Variants in B4GALNT2 observed in about 807,000 individuals in gnomAD.
The protein encoded by B4GALNT2 is beta-1,4-N-acetyl-galactosaminyltransferase 2 (SID blood group), also known as N-acetylneuraminylgalactosylglucosyl-glucoside beta-1,4-N- acetylgalactosaminyltransferase 2.
Under a neutral mutation model 51.1 loss-of-function variants are expected in B4GALNT2, and 42 were observed. The observed-to-expected ratio is 0.82, with a 90% confidence interval of 0.64 to 1.06. B4GALNT2 has a LOEUF of 1.06. Among genes scored for constraint, B4GALNT2 ranks in the 50% least tolerant of loss-of-function variants. B4GALNT2 has a pLI of 0.00. For missense variants in B4GALNT2, 602 were observed against 633.6 expected (o/e 0.95, Z 0.54); for synonymous variants, 253 against 251.7 (o/e 1.01, Z -0.05).
chr17:49,133,043 T>C lies in B4GALNT2; in HGVS notation c.14+237T>C, dbSNP rs758830110. 1.6e-5 allele frequency: 24 copies of C among 1,496,980 alleles called. 1 individual carries two copies. The South Asian group carries it at 3.1e-4, about 19-fold the overall frequency. 92.7% of individuals were successfully genotyped at this position (1,496,980 alleles called of 1,614,324 possible). A position where few individuals can be genotyped will look rare whatever the true frequency, so the allele number is the denominator to read the frequency against. ...CCCCAGGAATGGGGAGCGCTGGCTT[T>C]TCCGTGGGAAAATTCCACGTGGAAG... is the stretch of plus-strand genomic sequence containing the variant. On this transcript the variant is annotated intron_variant, in intron 1 of 10. Transcript: ENST00000393354.
At position 49,170,915 on chromosome 17, in the gene B4GALNT2, G is replaced by T. The variant is rs1486825424; in HGVS notation, c.*1187G>T. 6.5e-6 allele frequency: 1 copy of T among 152,884 alleles called. No individual in the cohort carries two copies. The highest frequency in any genetic ancestry group is 2.4e-5 in the African/African-American group (1 of 41,480). 9.5% of individuals were successfully genotyped at this position (152,884 alleles called of 1,614,324 possible). ...AGGGATGGGCTCTGGCTAGTTATCT[G>T]CAGCAGGAACATGTCCTTAAAGCAC... On this transcript the variant is annotated 3_prime_UTR_variant, in exon 11 of 11. Transcript: ENST00000393354.
intron 1 of B4GALNT2, among the ~76,000 whole-genome samples, chr17:49,136,578 C>T (rs937418335): frequency 1.3e-5 from 2 of 150,918 alleles, no homozygotes; most frequent in African/African-American, 4.9e-5. Flanking sequence ...TGGAGTTTCC[C>T]TCTTGTCACC....
rs2042958277 is a variant in B4GALNT2, at chr17:49,171,646, T to A, written c.*1918T>A. 2.6e-6 allele frequency: 1 copy of A among 391,554 alleles called. No individual in the cohort carries two copies. The highest frequency in any genetic ancestry group is 7.1e-5 in the East Asian group (1 of 14,078). 24.3% of individuals were successfully genotyped at this position (391,554 alleles called of 1,614,324 possible). ...GCTGTATTTCTTACCATTTCTACCATCTGACTGTTTTGTTTAGACCAGCTG... is the reference window on the plus strand; with the variant it reads ...GCTGTATTTCTTACCATTTCTACCAACTGACTGTTTTGTTTAGACCAGCTG... On this transcript the variant is annotated 3_prime_UTR_variant, in exon 11 of 11. Transcript: ENST00000393354.
intron 5 of B4GALNT2, 52 bp from the exon 6 acceptor site, chr17:49,158,985 G>C: frequency 6.3e-7 from 1 of 1,577,118 alleles, no homozygotes; most frequent in Non-Finnish European, 8.7e-7. Context: ...TCTTTCCAGG[G>C]AGATATTTTC....
intron 4 of B4GALNT2, among the ~76,000 whole-genome samples, chr17:49,154,906 C>T (rs2042793559): frequency 6.6e-6 from 1 of 152,136 alleles, no homozygotes; most frequent in Non-Finnish European, 1.5e-5. Context: ...ACTATGAGAA[C>T]AGAGATAGAT....
At chr17:49,157,552 C>A (rs1030443153) in intron 5 of B4GALNT2, among the ~76,000 whole-genome samples, 1 of 152,116 alleles carries the variant, frequency 6.6e-6, no homozygotes. Context: ...GAACTCCTGA[C>A]CTTAAGTGAT....
At chr17:49,152,149 G>C (rs2042763740) in intron 3 of B4GALNT2, among the ~76,000 whole-genome samples, 1 of 152,186 alleles carries the variant, frequency 6.6e-6, no homozygotes, top group South Asian at 2.1e-4. Context: ...AGCTGAGGCA[G>C]GAGGATTGCT....
chr17:49,129,470 T>C (rs528420501), upstream of B4GALNT2, among the ~76,000 whole-genome samples: 2 of 152,342 alleles, frequency 1.3e-5, no homozygotes, highest in Admixed American at 1.3e-4. Context: ...CACTGCTTCC[T>C]TGGTTGCAAG....
intron 3 of B4GALNT2, among the ~76,000 whole-genome samples, chr17:49,147,966 T>TTATATATATATATA (rs140831657): frequency 3.4e-5 from 5 of 147,640 alleles, no homozygotes; most frequent in African/African-American, 1.0e-4. Context: ...TTTTATTCAA[T>TTATATATATATATA]TATATATATA....
chr17:49,140,822 G>A (rs992391598), intron 1 of B4GALNT2, among the ~76,000 whole-genome samples: 1 of 149,778 alleles, frequency 6.7e-6, no homozygotes, highest in Non-Finnish European at 1.5e-5. Flanking sequence ...GGGTTCAAGC[G>A]ATTCTCCTGT....
chr17:49,164,391 A>G (rs1490566239), intron 8 of B4GALNT2, 116 bp downstream of exon 8: 5 of 926,828 alleles, frequency 5.4e-6, no homozygotes, highest in Non-Finnish European at 8.2e-6. Context: ...AGCAGAGTCC[A>G]GGAGTGGGAG....
Position 49,173,362 on chromosome 17 carries a change from T to C in B4GALNT2, c.*3634T>C, listed in dbSNP as rs1478384362. 6.6e-6 allele frequency: 1 copy of C among 152,230 alleles called. No homozygotes were observed. The allele number at this position is 152,230 out of a possible 1,614,324, so 9.4% of individuals were successfully genotyped here. A position where few individuals can be genotyped will look rare whatever the true frequency, so the allele number is the denominator to read the frequency against. On this transcript the variant is annotated 3_prime_UTR_variant, in exon 11 of 11. Transcript: ENST00000393354. ...CAATTACAGCTATAAGCTCTGCTTT[T>C]TGAACTGAAGTATAGGGCATCTGAA...
In B4GALNT2 at chr17:49,169,592, C is replaced by G. The variant is rs761855709; in HGVS notation, c.1385C>G (p.Ser462Cys). The G allele has an allele frequency of 1.2e-6, 2 of 1,613,186 alleles. No individual in the cohort carries two copies. The highest frequency in any genetic ancestry group is 1.1e-5 in the South Asian group (1 of 91,032). ...CCAGAAGTGATTATAGGTCACCAGT[C>G]TCGGTCTCCAGTGGTGGACTCAGAA... The part of the protein sequence containing the change: ...SCPEVIIGHQ[S>C]RSPVVDSELA... Residue 462 changes from serine (S) to cysteine (C), a missense_variant, in exon 11 of 11, where the codon TCT becomes TGT. Physicochemically the swap from Ser to Cys is moderately radical, Grantham distance 112. Transcript: ENST00000393354.
At chr17:49,130,477 A>G (rs2042531550), upstream of B4GALNT2, among the ~76,000 whole-genome samples, 1 of 152,126 alleles carries the variant, frequency 6.6e-6, no homozygotes, top group Admixed American at 6.5e-5. Flanking sequence ...CGTCTCTACT[A>G]AAAATACAAA....
At chr17:49,162,886 C>T (rs147689367) in intron 7 of B4GALNT2, among the ~76,000 whole-genome samples, 1 of 108,492 alleles carries the variant, frequency 9.2e-6, no homozygotes, top group Non-Finnish European at 1.7e-5. Flanking sequence ...GCACTCCAGT[C>T]TGGGTGACAG....
intron 10 of B4GALNT2, 60 bp from the exon 11 acceptor site, chr17:49,169,463 A>C: frequency 6.6e-7 from 1 of 1,522,144 alleles, no homozygotes. Context: ...CCAGACCTAG[A>C]ATAGTGCCCA....
chr17:49,157,834 C>T lies in B4GALNT2; in HGVS notation c.499-1203C>T, dbSNP rs545271517. Among the ~76,000 whole-genome samples the T allele has an allele frequency of 2.6e-5, 4 of 152,356 alleles. No individual in the cohort carries two copies. In the East Asian group the frequency reaches 5.8e-4, roughly 22 times the overall value. On this transcript the variant is annotated intron_variant, in intron 5 of 10. Transcript: ENST00000393354. ...GCGTAGTTCCATGCTTATCATCTCT[C>T]TTCCACGCTGGAATACAAGCTTCAC...
intron 3 of B4GALNT2, among the ~76,000 whole-genome samples, chr17:49,146,876 G>A: frequency 6.6e-6 from 1 of 152,212 alleles, no homozygotes; most frequent in East Asian, 1.9e-4. Flanking sequence ...GGGATTCCCT[G>A]AAGGTTGGCA....
chr17:49,155,784 C>T (rs1018050632), intron 4 of B4GALNT2, among the ~76,000 whole-genome samples: 14 of 149,450 alleles, frequency 9.4e-5, no homozygotes, highest in Admixed American at 6.7e-4. Context: ...AGTGCAGTGT[C>T]GAGATCTCGG....
Sources: allele counts gnomAD v4.1 joint callset (sites outside exome capture counted in the v4.1 genomes callset), GRCh38; gene constraint gnomAD v4.1.1; transcripts MANE v1.5; gene names NCBI Gene and HGNC (gene_info 2026-07-23, HGNC 2026-07-21).